Variants in ZPLD1 observed in about 807,000 individuals in gnomAD.
ZPLD1 encodes zona pellucida-like domain-containing protein 1.
A neutral mutation model predicts 47.2 loss-of-function variants in ZPLD1; 34 were observed. That is an observed-to-expected ratio of 0.72 (90% CI 0.55 to 0.96). The LOEUF (loss-of-function observed/expected upper bound fraction) is 0.96, where lower values mean the gene tolerates loss of function less well. Among genes scored for constraint, ZPLD1 ranks in the 40% least tolerant of loss-of-function variants. The pLI, the probability that ZPLD1 is intolerant of heterozygous loss-of-function variation, is 0.00. For synonymous variants in ZPLD1, 176 were observed against 186.2 expected (o/e 0.95, Z 0.45); for missense variants, 512 against 505.8 (o/e 1.01, Z -0.12).
At chr3:102,425,433 A>G (rs1194258125) in intron 8 of ZPLD1, among the ~76,000 whole-genome samples, 1 of 152,182 alleles carries the variant, frequency 6.6e-6, no homozygotes, top group Non-Finnish European at 1.5e-5. Context: ...TTTATTAGTT[A>G]TAATGCAACA....
chr3:102,392,975 A>G (rs1432119251), intron 7 of ZPLD1, among the ~76,000 whole-genome samples: 1 of 152,272 alleles, frequency 6.6e-6, no homozygotes, highest in East Asian at 1.9e-4. Context: ...CATTTTCTTG[A>G]TATCTGTTTA....
intron 7 of ZPLD1, among the ~76,000 whole-genome samples, chr3:102,406,779 A>G (rs1706692197): frequency 6.6e-6 from 1 of 151,974 alleles, no homozygotes; most frequent in Non-Finnish European, 1.5e-5. Flanking sequence ...GCCATCCTCT[A>G]ATCCACTGCT....
chr3:102,459,242 T>C (rs1451583773), intron 6 of ZPLD1, among the ~76,000 whole-genome samples: 2 of 152,068 alleles, frequency 1.3e-5, no homozygotes, highest in East Asian at 3.9e-4. Flanking sequence ...ACTGGAAAAT[T>C]CCCGTCTGTT....
intron 8 of ZPLD1, 54 bp downstream of exon 8, chr3:102,464,305 A>C (rs1206105454): frequency 1.6e-6 from 2 of 1,220,682 alleles, no homozygotes; most frequent in Non-Finnish European, 2.4e-6. Context: ...AGTTGTAGAT[A>C]ATTGAAATGG....
rs781762724 is a variant in ZPLD1 at position 102,395,596 on chromosome 3, A to G, written c.-157+3371A>G. ...ACCTTGATTTTAGCCCCATAAGATC[A>G]ATTTGGGCTTCTGAACTCTAGAACT... On this transcript the variant is annotated intron_variant, in intron 7 of 17. Coordinates refer to the ZPLD1 transcript ENST00000491959. Among the ~76,000 whole-genome samples, 13 of 152,276 alleles carry G rather than the reference A, an allele frequency of 8.5e-5. No individual in the cohort carries two copies. The South Asian group carries it at 1.0e-3, about 12-fold the overall frequency.
At chr3:102,436,647 T>C (rs1486643115) in intron 1 of ZPLD1, among the ~76,000 whole-genome samples, 1 of 152,240 alleles carries the variant, frequency 6.6e-6, no homozygotes, top group African/African-American at 2.4e-5. Flanking sequence ...CTTTTCTCTG[T>C]ACATGCAGTA....
At chr3:102,421,903 C>T (rs9863720) in intron 8 of ZPLD1, among the ~76,000 whole-genome samples, 4,384 of 151,354 alleles carry the variant, frequency 0.029, 91 homozygotes, top group South Asian at 0.046. Flanking sequence ...TCTAGACCCC[C>T]AAGTCCCATT....
At chr3:102,388,424 C>T (rs1706457155) in intron 6 of ZPLD1, among the ~76,000 whole-genome samples, 1 of 119,750 alleles carries the variant, frequency 8.4e-6, no homozygotes, top group African/African-American at 2.9e-5. Flanking sequence ...ATTTTCTCTC[C>T]TGGAGTCTCT....
Position 102,476,349 on chromosome 3 carries a change from G to A in ZPLD1, c.1043-663G>A, listed in dbSNP as rs191360585. On this transcript the variant is annotated intron_variant, in intron 10 of 11. Transcript: ENST00000466937. ...GATGACAAATTGGACAACAAAAATT[G>A]GGAAATCAAGTAATATGTTTATCGC... 2.3e-3 allele frequency among the ~76,000 whole-genome samples: 356 copies of A among 152,190 alleles called. 4 individuals carry two copies. The highest frequency in any genetic ancestry group is 3.4e-3 in the Middle Eastern group (1 of 294).
At chr3:102,448,030 G>T (rs759114646) in intron 3 of ZPLD1, among the ~76,000 whole-genome samples, 11 of 152,058 alleles carry the variant, frequency 7.2e-5, no homozygotes, top group Non-Finnish European at 1.3e-4. Context: ...TTTAAAATTT[G>T]CAAAATTTTA....
At chr3:102,403,626 A>C (rs969558712) in intron 7 of ZPLD1, among the ~76,000 whole-genome samples, 8 of 152,044 alleles carry the variant, frequency 5.3e-5, no homozygotes, top group Non-Finnish European at 1.0e-4. Flanking sequence ...TCAATAGCTT[A>C]ATCATACCCT....
intron 10 of ZPLD1, 31 bp downstream of exon 10, chr3:102,470,533 A>G (rs1391149103): frequency 6.3e-7 from 1 of 1,581,806 alleles, no homozygotes; most frequent in Admixed American, 1.7e-5. Flanking sequence ...GTATGTAGTA[A>G]TAGACGGTTC....
intron 6 of ZPLD1, among the ~76,000 whole-genome samples, chr3:102,388,045 A>G (rs2107281832): frequency 6.6e-6 from 1 of 151,992 alleles, no homozygotes; most frequent in East Asian, 1.9e-4. Flanking sequence ...TATTTTTAGT[A>G]GAGACGGGGT....
In ZPLD1 at chr3:102,478,994, AG is replaced by A. The variant is rs1707800828; in HGVS notation, c.*1378del. ...GCAAATCATCAAGCAATTGCTTCAA[AG>A]GAAATGTCTACAATGTGAGTTAATA... On this transcript the variant is annotated 3_prime_UTR_variant, in exon 12 of 12. Transcript: ENST00000466937. The A allele has an allele frequency of 6.6e-6, 1 of 152,222 alleles. No homozygotes were observed. The highest frequency in any genetic ancestry group is 1.9e-4 in the East Asian group (1 of 5,202). 9.4% of individuals were successfully genotyped at this position (152,222 alleles called of 1,614,324 possible). A position where few individuals can be genotyped will look rare whatever the true frequency, so the allele number is the denominator to read the frequency against.
At chr3:102,394,086 A>C (rs1301564507) in intron 7 of ZPLD1, among the ~76,000 whole-genome samples, 1 of 152,154 alleles carries the variant, frequency 6.6e-6, no homozygotes, top group African/African-American at 2.4e-5. Context: ...CCCCCCATAC[A>C]TTTCAGCAAG....
intron 7 of ZPLD1, among the ~76,000 whole-genome samples, chr3:102,417,174 AT>A (rs1706818861): frequency 6.6e-6 from 1 of 151,970 alleles, no homozygotes; most frequent in Non-Finnish European, 1.5e-5. Context: ...GGCCAGTGGA[AT>A]TACCGTTAGC....
At chr3:102,402,038 C>A (rs1299789015) in intron 7 of ZPLD1, among the ~76,000 whole-genome samples, 1 of 151,968 alleles carries the variant, frequency 6.6e-6, no homozygotes, top group Non-Finnish European at 1.5e-5. Context: ...GACTGCTTCT[C>A]TTAGCAGTTA....
intron 8 of ZPLD1, among the ~76,000 whole-genome samples, chr3:102,424,524 G>A (rs910357612): frequency 1.1e-4 from 17 of 152,152 alleles, no homozygotes; most frequent in Non-Finnish European, 1.0e-4. Context: ...TCTTGCGAGT[G>A]TTGTCTTGGA....
At chr3:102,407,442 T>TATATATATATAC (rs1553708474) in intron 7 of ZPLD1, among the ~76,000 whole-genome samples, 45 of 95,480 alleles carry the variant, frequency 4.7e-4, no homozygotes, top group Non-Finnish European at 7.5e-4. Flanking sequence ...TATATATATA[T>TATATATATATAC]ACACACATAT....
Sources: allele counts gnomAD v4.1 joint callset (sites outside exome capture counted in the v4.1 genomes callset), GRCh38; gene constraint gnomAD v4.1.1; transcripts MANE v1.5; gene names NCBI Gene and HGNC (gene_info 2026-07-23, HGNC 2026-07-21).